Variants in XIRP2 observed in about 807,000 individuals in gnomAD.
XIRP2 encodes xin actin-binding repeat-containing protein 2.
In XIRP2, 236 loss-of-function variants were observed where a neutral mutation model predicts 277.0. That is an observed-to-expected ratio of 0.85 (90% confidence interval 0.77 to 0.95). XIRP2 has a LOEUF of 0.95. XIRP2 is among the 40% of genes least tolerant of loss of function. The probability of loss-of-function intolerance (pLI) is 0.00; values close to 1 mark genes in which losing one functional copy is unlikely to be tolerated. For synonymous variants in XIRP2, 1,490 were observed against 1,416.5 expected (o/e 1.05, Z -1.17); for missense variants, 4,640 against 4,157.5 (o/e 1.12, Z -3.19).
chr2:166,976,002 G>A lies in XIRP2; in HGVS notation c.408+72112G>A, dbSNP rs1686708676. 1.4e-5 allele frequency among the ~76,000 whole-genome samples: 2 copies of A among 139,652 alleles called. 1 individual carries two copies. The highest frequency in any genetic ancestry group is 4.9e-4 in the South Asian group (2 of 4,110). The allele number at this position is 139,652 out of a possible 152,430, so 91.6% of individuals were successfully genotyped here. On this transcript the variant is annotated intron_variant, in intron 2 of 10. Coordinates refer to ENST00000409195, the MANE Select transcript of XIRP2 (RefSeq NM_152381.6). ...AATACCCATATCCATGCATTTTAGT[G>A]TATACTAAAAACTATCCTTTCACTA...
intron 5 of XIRP2, among the ~76,000 whole-genome samples, chr2:167,226,362 C>T (rs944367114): frequency 3.9e-5 from 6 of 152,166 alleles, no homozygotes; most frequent in African/African-American, 1.4e-4. Context: ...TTCCTACCCA[C>T]ATCCACCTTC....
At position 166,903,802 on chromosome 2, in the gene XIRP2, T is replaced by C. The variant is rs1684446899; in HGVS notation, c.320T>C (p.Ile107Thr). The change falls in exon 2 of 11, where the codon ATT (isoleucine) becomes ACT (threonine). Residue 107 changes from isoleucine to threonine, a missense_variant. Coordinates refer to ENST00000409195, the MANE Select transcript of XIRP2 (RefSeq NM_152381.6). ...GATTCCCTGAGCAGTCGGCGCAGGATTGAACGCTTTTCCATTGCCCTTGAT... is the reference window on the plus strand; with the variant it reads ...GATTCCCTGAGCAGTCGGCGCAGGACTGAACGCTTTTCCATTGCCCTTGAT... ...KEDSLSSRRRIERFSIALDEL... is the reference protein window; with the variant it reads ...KEDSLSSRRRTERFSIALDEL... 1 of 1,613,662 alleles carries C rather than the reference T, an allele frequency of 6.2e-7. No individual in the cohort carries two copies. Among genetic ancestry groups the C allele is most frequent in the Non-Finnish European group, 8.5e-7 (1 of 1,179,766 alleles).
chr2:166,893,405 A>G (rs1311485895), intron 1 of XIRP2, among the ~76,000 whole-genome samples: 3 of 152,274 alleles, frequency 2.0e-5, no homozygotes, highest in African/African-American at 4.8e-5. Context: ...GAACATATGC[A>G]TATATTTTGA....
At chr2:167,210,281 G>A (rs182513429) in intron 3 of XIRP2, among the ~76,000 whole-genome samples, 9 of 152,226 alleles carry the variant, frequency 5.9e-5, no homozygotes, top group East Asian at 1.9e-4. Context: ...CAAATCTGCC[G>A]CTTGTTAAAG....
chr2:167,211,377 G>A (rs931957392), intron 4 of XIRP2, among the ~76,000 whole-genome samples: 2 of 152,186 alleles, frequency 1.3e-5, no homozygotes, highest in Non-Finnish European at 2.9e-5. Context: ...TTACAGGCAT[G>A]AGCCACTGTG....
At chr2:167,221,618 A>T (rs1694434014) in intron 5 of XIRP2, among the ~76,000 whole-genome samples, 1 of 152,170 alleles carries the variant, frequency 6.6e-6, no homozygotes, top group Non-Finnish European at 1.5e-5. Flanking sequence ...CCAACTTTTA[A>T]TGCTATCTAA....
chr2:167,187,438 G>A (rs1693190341), intron 3 of XIRP2: 6 of 985,206 alleles, frequency 6.1e-6, no homozygotes, highest in Middle Eastern at 5.2e-4. Context: ...GAAATTGGCT[G>A]TACATGAAAC....
At chr2:167,214,129 G>A in intron 4 of XIRP2, among the ~76,000 whole-genome samples, 1 of 121,676 alleles carries the variant, frequency 8.2e-6, no homozygotes, top group African/African-American at 3.6e-5. Context: ...AAGGAAGGAA[G>A]GAAGGAAGCA....
intron 2 of XIRP2, among the ~76,000 whole-genome samples, chr2:166,972,396 A>G (rs1686602663): frequency 6.6e-6 from 1 of 152,180 alleles, no homozygotes; most frequent in South Asian, 2.1e-4. Flanking sequence ...TAGCAGCTCG[A>G]TGATGTCAAA....
intron 3 of XIRP2, among the ~76,000 whole-genome samples, chr2:167,136,514 G>C (rs1284046170): frequency 1.3e-5 from 2 of 152,148 alleles, no homozygotes; most frequent in African/African-American, 4.8e-5. Flanking sequence ...CTTGCATAAT[G>C]AATTTGGAAT....
At chr2:166,891,688 G>GA (rs886869229) in intron 1 of XIRP2, among the ~76,000 whole-genome samples, 67 of 150,032 alleles carry the variant, frequency 4.5e-4, no homozygotes, top group African/African-American at 4.9e-4. Flanking sequence ...TTTTTTCTCT[G>GA]AAAAAAAAAT....
chr2:166,933,171 C>A (rs1685396650), intron 2 of XIRP2, among the ~76,000 whole-genome samples: 2 of 148,862 alleles, frequency 1.3e-5, no homozygotes, highest in African/African-American at 2.5e-5. Flanking sequence ...TTTTTTGAGA[C>A]AGAGACTTGC....
intron 2 of XIRP2, among the ~76,000 whole-genome samples, chr2:166,920,723 A>G (rs1685015271): frequency 6.6e-6 from 1 of 152,216 alleles, no homozygotes; most frequent in East Asian, 1.9e-4. Context: ...CCAGGAATGT[A>G]CTAAACACTT....
chr2:166,895,219 C>T (rs1394375852), intron 1 of XIRP2, among the ~76,000 whole-genome samples: 1 of 152,136 alleles, frequency 6.6e-6, no homozygotes, highest in Non-Finnish European at 1.5e-5. Flanking sequence ...TGTGACACTG[C>T]AAAACATTTT....
intron 3 of XIRP2, among the ~76,000 whole-genome samples, chr2:167,172,066 A>G (rs1231136329): frequency 3.9e-5 from 6 of 152,156 alleles, no homozygotes; most frequent in African/African-American, 1.4e-4. Context: ...ATTCAATGTG[A>G]GTCCTTTTCT....
Position 167,156,096 on chromosome 2 carries a change from G to A in XIRP2, c.562+20034G>A, listed in dbSNP as rs529948108. ...CAAACCACTGCTCAATGAAATAAAA[G>A]AGGATACAAACAAAGGGAAGAACAT... On this transcript the variant is annotated intron_variant, in intron 3 of 10. Coordinates refer to ENST00000409195, the MANE Select transcript of XIRP2 (RefSeq NM_152381.6). Among the ~76,000 whole-genome samples, 12 of 151,514 alleles carry A rather than the reference G, an allele frequency of 7.9e-5. No individual in the cohort carries two copies. The South Asian group carries it at 2.1e-3, about 27-fold the overall frequency.
intron 3 of XIRP2, among the ~76,000 whole-genome samples, chr2:167,203,972 A>G (rs1693790459): frequency 6.6e-6 from 1 of 151,848 alleles, no homozygotes; most frequent in Admixed American, 6.6e-5. Flanking sequence ...TTTTTTTTTC[A>G]AGAACTAAAC....
At chr2:167,236,046 C>T (rs1305579411) in intron 5 of XIRP2, among the ~76,000 whole-genome samples, 2 of 151,816 alleles carry the variant, frequency 1.3e-5, no homozygotes, top group African/African-American at 4.8e-5. Context: ...ATGTAAATAA[C>T]ATTAATATAT....
intron 2 of XIRP2, among the ~76,000 whole-genome samples, chr2:167,047,355 A>G (rs1386349826): frequency 6.6e-6 from 1 of 151,850 alleles, no homozygotes; most frequent in Non-Finnish European, 1.5e-5. Context: ...TCTGTTAGGC[A>G]TAAGTAGCTT....
Sources: gnomAD v4.1 joint callset for allele counts (sites outside exome capture counted in the v4.1 genomes callset) on GRCh38, gnomAD v4.1.1 for gene constraint, MANE v1.5 for transcripts, NCBI Gene and HGNC (gene_info 2026-07-23, HGNC 2026-07-21) for gene names.